Variants in NRG2 observed in about 807,000 individuals in gnomAD.
The protein encoded by NRG2 is neuregulin 2, also known as pro-neuregulin-2, membrane-bound isoform.
Under a neutral mutation model 73.9 loss-of-function variants are expected in NRG2, and 27 were observed. The observed-to-expected ratio is 0.37, with a 90% CI of 0.27 to 0.50. The LOEUF (loss-of-function observed/expected upper bound fraction) is 0.50. Ranked by LOEUF, NRG2 falls within the 20% of genes least tolerant of loss-of-function variation. NRG2 has a pLI of 0.96. For synonymous variants in NRG2, 532 were observed against 541.0 expected, an observed-to-expected ratio of 0.98 and a Z score of 0.23; for missense variants, 1,126 against 1,210.1, an observed-to-expected ratio of 0.93 and a Z score of 1.03.
rs556930368 is a variant in NRG2 at position 140,033,117 on chromosome 5, T to C, written c.700+9253A>G. ...CACCTGTTACATGATCACATCTCTA[T>C]TCCTCTGACCTTGGGAAGCCACCAG... On this transcript the variant is annotated intron_variant, in intron 1 of 9. Transcript: ENST00000361474. Among the ~76,000 whole-genome samples the C allele has an allele frequency of 4.9e-4, 74 of 152,312 alleles. No homozygotes were observed. In the South Asian group the frequency reaches 0.01, roughly 21 times the overall value.
chr5:139,847,685 A>T lies in NRG2; in HGVS notation c.*232T>A. 1 of 355,388 alleles carries T rather than the reference A, an allele frequency of 2.8e-6. No homozygotes were observed. The highest frequency in any genetic ancestry group is 5.0e-6 in the Non-Finnish European group (1 of 201,094). The allele number at this position is 355,388 out of a possible 1,614,324, so 22.0% of individuals were successfully genotyped here. On this transcript the variant is annotated 3_prime_UTR_variant, in exon 10 of 10. Coordinates refer to ENST00000361474, the MANE Select transcript of NRG2 (RefSeq NM_004883.3). Reference sequence around the variant, plus strand: ...GTTTCTTTTTTTTTTCCGAAGCTGTAAATCAGGATGTTACATATAAATAGT... The same window carrying T: ...GTTTCTTTTTTTTTTCCGAAGCTGTTAATCAGGATGTTACATATAAATAGT...
At chr5:139,973,155 G>GAAAAAAAAAAAAAAAAAAAAAAAAAAAAA (rs1756101078) in intron 1 of NRG2, among the ~76,000 whole-genome samples, 1 of 11,180 alleles carries the variant, frequency 8.9e-5, no homozygotes, top group Non-Finnish European at 2.0e-4. Flanking sequence ...GTAAGAATAT[G>GAAAAAAAAAAAAAAAAAAAAAAAAAAAAA]CAAAAAAAAA....
At position 139,870,235 on chromosome 5, in the gene NRG2, G is replaced by C. The variant is rs1455309599; in HGVS notation, c.1112+1486C>G. Among the ~76,000 whole-genome samples the C allele has an allele frequency of 6.6e-6, 1 of 152,140 alleles. No individual in the cohort carries two copies. Among genetic ancestry groups the C allele is most frequent in the African/African-American group, 2.4e-5 (1 of 41,412 alleles). On this transcript the variant is annotated intron_variant, in intron 4 of 9. Transcript: ENST00000361474. This position sits in a 1 kb window ranked among gnomAD's most constrained non-coding sequence, Gnocchi z 4.4. ...ATACTAACATGGCAGCCTCCTAGAG[G>C]CAGGAGGCGGGGAAGGATGAGGGGC... is the stretch of plus-strand genomic sequence containing the variant.
chr5:139,852,739 T>C lies in NRG2; in HGVS notation c.1416+165A>G, dbSNP rs926609538. On this transcript the variant is annotated intron_variant, in intron 7 of 9. Coordinates refer to ENST00000361474, the MANE Select transcript of NRG2 (RefSeq NM_004883.3). The surrounding 1 kb of genome is among the most constrained non-coding windows in gnomAD (Gnocchi z 4.4). ...CAAATCAACCCCCACCCCTTCCTCATGGAAGTGAGCAAACCAAGGCCAGCC... is the reference window on the plus strand; with the variant it reads ...CAAATCAACCCCCACCCCTTCCTCACGGAAGTGAGCAAACCAAGGCCAGCC... 3.9e-5 allele frequency among the ~76,000 whole-genome samples: 6 copies of C among 152,178 alleles called. No individual in the cohort carries two copies. The highest frequency in any genetic ancestry group is 1.4e-4 in the African/African-American group (6 of 41,440).
At chr5:139,975,303 C>T (rs1756301849) in intron 1 of NRG2, among the ~76,000 whole-genome samples, 1 of 152,198 alleles carries the variant, frequency 6.6e-6, no homozygotes, top group South Asian at 2.1e-4. Flanking sequence ...ATGGTCAGAC[C>T]CTTTTGCCTG....
Position 140,042,895 on chromosome 5 carries a change from G to A in NRG2, c.175C>T (p.Pro59Ser), listed in dbSNP as rs1378092405. The A allele has an allele frequency of 3.9e-6, 6 of 1,526,846 alleles. No individual in the cohort carries two copies. The highest frequency in any genetic ancestry group is 2.0e-4 in the Middle Eastern group (1 of 5,054). The allele number at this position is 1,526,846 out of a possible 1,614,324, so 94.6% of individuals were successfully genotyped here. The change falls in exon 1 of 10, where the codon CCC (proline) becomes TCC (serine). Residue 59 changes from proline (P) to serine (S), a missense_variant. By Grantham distance (74) the Pro-to-Ser change is moderately conservative (BLOSUM62 -1). Around this residue, in one of 3 missense-constraint regions of NRG2, gnomAD observed 185 missense variants for 149.0 expected, o/e 1.24. Transcript: ENST00000361474. Reference protein sequence around the residue: ...SSSNNSSISRPAAPPEPRPQQ... With the variant: ...SSSNNSSISRSAAPPEPRPQQ... ...GGCCGCGGCTCTGGGGGCGCAGCGGGACGAGAGATGCTGCTGTTGTTGCTG... is the reference window on the plus strand; with the variant it reads ...GGCCGCGGCTCTGGGGGCGCAGCGGAACGAGAGATGCTGCTGTTGTTGCTG...
intron 1 of NRG2, among the ~76,000 whole-genome samples, chr5:140,002,586 A>T (rs1758574306): frequency 6.6e-6 from 1 of 152,242 alleles, no homozygotes; most frequent in Admixed American, 6.5e-5. Flanking sequence ...CGGAGAAAGC[A>T]GGAGAACTGA....
chr5:140,003,337 AG>A (rs1399065976), intron 1 of NRG2, among the ~76,000 whole-genome samples: 4 of 152,244 alleles, frequency 2.6e-5, no homozygotes, highest in Admixed American at 6.5e-5. Context: ...TTTACCTAAC[AG>A]GGCAAAAAGG....
At chr5:139,911,393 C>A (rs926390140) in intron 1 of NRG2, among the ~76,000 whole-genome samples, 2 of 152,130 alleles carry the variant, frequency 1.3e-5, no homozygotes, top group African/African-American at 4.8e-5. Context: ...AGCGGATGAC[C>A]CCCAGGCCCA....
At chr5:139,885,582 C>G (rs549127015) in intron 2 of NRG2, among the ~76,000 whole-genome samples, 2 of 152,152 alleles carry the variant, frequency 1.3e-5, no homozygotes, top group Non-Finnish European at 2.9e-5. Flanking sequence ...GCTGGAGGGC[C>G]AGGGGAGCAG....
At chr5:140,005,535 T>C (rs972078397) in intron 1 of NRG2, among the ~76,000 whole-genome samples, 1 of 152,256 alleles carries the variant, frequency 6.6e-6, no homozygotes, top group Non-Finnish European at 1.5e-5. Context: ...GCTGCATCAC[T>C]GCCAGCCTCT....
intron 1 of NRG2, among the ~76,000 whole-genome samples, chr5:139,993,643 G>C (rs1035038303): frequency 1.3e-5 from 2 of 152,192 alleles, no homozygotes; most frequent in Non-Finnish European, 1.5e-5. Flanking sequence ...CATAGTGTAA[G>C]CTTCATGCAA....
chr5:139,991,706 T>C (rs566820237), intron 1 of NRG2, among the ~76,000 whole-genome samples: 34 of 152,218 alleles, frequency 2.2e-4, no homozygotes, highest in South Asian at 6.2e-4. Flanking sequence ...TACATTTCCA[T>C]TCTTAAACCA....
intron 1 of NRG2, among the ~76,000 whole-genome samples, chr5:139,928,038 C>A (rs1752192920): frequency 6.6e-6 from 1 of 152,074 alleles, no homozygotes; most frequent in South Asian, 2.1e-4. Flanking sequence ...TGAGCCATCC[C>A]AATCCTCACA....
At chr5:140,025,475 G>A (rs931895891) in intron 1 of NRG2, among the ~76,000 whole-genome samples, 4 of 151,894 alleles carry the variant, frequency 2.6e-5, no homozygotes, top group African/African-American at 9.7e-5. Context: ...CGCCTATTAC[G>A]CACCAAGTAC....
intron 1 of NRG2, among the ~76,000 whole-genome samples, chr5:139,901,638 G>T: frequency 6.6e-6 from 1 of 152,248 alleles, no homozygotes; most frequent in Admixed American, 6.5e-5. Context: ...GAATTGAAAT[G>T]AGATGTGTCC....
rs1397649653 is a variant in NRG2 at position 139,860,261 on chromosome 5, G to A, written c.1190-4483C>T. 4.6e-5 allele frequency among the ~76,000 whole-genome samples: 7 copies of A among 152,148 alleles called. No homozygotes were observed. In the East Asian group the frequency reaches 1.3e-3, roughly 29 times the overall value. On this transcript the variant is annotated intron_variant, in intron 5 of 9. Transcript: ENST00000361474. ...TGGGAGGAAAGGTAAGTGGGGGTGG[G>A]GGTCTCAGGAGCCCCCCTGCTCCTC...
intron 1 of NRG2, among the ~76,000 whole-genome samples, chr5:139,890,073 G>A (rs1561658687): frequency 6.6e-6 from 1 of 152,070 alleles, no homozygotes; most frequent in African/African-American, 2.4e-5. Context: ...CTTTGGAAAG[G>A]TTGCACCAAT....
At chr5:139,912,062 G>C (rs1293051195) in intron 1 of NRG2, among the ~76,000 whole-genome samples, 1 of 152,132 alleles carries the variant, frequency 6.6e-6, no homozygotes, top group Non-Finnish European at 1.5e-5. Flanking sequence ...CCTAGCAGAG[G>C]TAATGAGTGG....
Sources: gnomAD v4.1 joint callset for allele counts (sites outside exome capture counted in the v4.1 genomes callset) on GRCh38, gnomAD v4.1.1 for gene constraint, gnomAD v4.1.1 regional missense constraint, Gnocchi (gnomAD v3.1) non-coding constraint, MANE v1.5 for transcripts, NCBI Gene and HGNC (gene_info 2026-07-23, HGNC 2026-07-21) for gene names.